Variants in ZAP70 observed in about 807,000 individuals in gnomAD.
ZAP70 encodes the protein tyrosine-protein kinase ZAP-70.
ZAP70 carries 27 observed loss-of-function variants against 65.8 expected under a neutral mutation model. The observed-to-expected ratio is 0.41, with a 90% CI of 0.30 to 0.57. The LOEUF is 0.57. ZAP70 is among the 20% of genes least tolerant of loss of function. The probability of loss-of-function intolerance (pLI) is 0.28; values close to 1 mark genes in which losing one functional copy is unlikely to be tolerated. For synonymous variants in ZAP70, 363 were observed against 360.8 expected (o/e 1.01, Z -0.07); for missense variants, 696 against 870.5 (o/e 0.80, Z 2.52).
chr2:97,724,997 G>A (rs1305071760), intron 3 of ZAP70, 95 bp from the exon 4 acceptor site: 2 of 1,578,176 alleles, frequency 1.3e-6, no homozygotes, highest in African/African-American at 1.3e-5. Context: ...CGCCTGGGTG[G>A]GGTGGGGAGT....
At chr2:97,755,755 G>A in the ZAP70 span, among the ~76,000 whole-genome samples, 1 of 152,200 alleles carries the variant, frequency 6.6e-6, no homozygotes, top group Admixed American at 6.5e-5. Flanking sequence ...TCTGTGCCCC[G>A]CTTCTCTCCT....
At chr2:97,719,341 G>T (rs1320785205) in intron 2 of ZAP70, among the ~76,000 whole-genome samples, 1 of 148,576 alleles carries the variant, frequency 6.7e-6, no homozygotes, top group African/African-American at 2.5e-5. Context: ...CAAGTAAGGG[G>T]ACGGGGGTGG....
At chr2:97,747,026 G>T in the ZAP70 span, among the ~76,000 whole-genome samples, 7 of 150,476 alleles carry the variant, frequency 4.7e-5, no homozygotes, top group East Asian at 1.2e-3. Flanking sequence ...ACTTCCAAAA[G>T]AAAAAAAAAG....
chr2:97,725,424 A>G (rs1212901212), intron 4 of ZAP70, among the ~76,000 whole-genome samples, 172 bp downstream of exon 4: 1 of 152,142 alleles, frequency 6.6e-6, no homozygotes, highest in Non-Finnish European at 1.5e-5. Flanking sequence ...ATGGGGAAGT[A>G]GAGGTAGTGA....
rs1349649637 is a variant in ZAP70, at chr2:97,735,260, G to C, written c.1093G>C (p.Asp365His). ...GVYRMRKKQI[D>H]VAIKVLKQGT... ...GGCCGGGTCGGGCAGGAAGCAGATC[G>C]ACGTGGCCATCAAGGTGCTGAAGCA... Residue 365 changes from aspartate to histidine, a missense_variant, in exon 10 of 14, where the codon GAC becomes CAC. By Grantham distance (81) the Asp-to-His change is moderately conservative. Coordinates refer to ENST00000264972, the MANE Select transcript of ZAP70 (RefSeq NM_001079.4). 1 of 1,613,898 alleles carries C rather than the reference G, an allele frequency of 6.2e-7. No individual in the cohort carries two copies. Among genetic ancestry groups the C allele is most frequent in the Admixed American group, 1.7e-5 (1 of 60,032 alleles).
intron 2 of ZAP70, among the ~76,000 whole-genome samples, chr2:97,721,234 C>T (rs1294579699): frequency 3.3e-5 from 5 of 152,202 alleles, no homozygotes; most frequent in South Asian, 2.1e-4. Context: ...ATCAACACTG[C>T]GGAGTTCTTA....
the ZAP70 span, among the ~76,000 whole-genome samples, chr2:97,755,130 A>T: frequency 6.6e-6 from 1 of 152,156 alleles, no homozygotes; most frequent in South Asian, 2.1e-4. Context: ...CACAGACTGG[A>T]AACAAGACAA....
At chr2:97,716,838 C>T (rs114455290) in intron 2 of ZAP70, among the ~76,000 whole-genome samples, 1,800 of 152,158 alleles carry the variant, frequency 0.012, 47 homozygotes, top group African/African-American at 0.041. Flanking sequence ...GATGGCATGA[C>T]GGGGGCCAGC....
chr2:97,756,151 C>A, the ZAP70 span, among the ~76,000 whole-genome samples: 1 of 150,240 alleles, frequency 6.7e-6, no homozygotes, highest in Non-Finnish European at 1.5e-5. Flanking sequence ...GATCAAGGAC[C>A]CTCCATGATT....
At chr2:97,724,976 C>T (rs902502958) in intron 3 of ZAP70, 116 bp from the exon 4 acceptor site, 8 of 1,548,638 alleles carry the variant, frequency 5.2e-6, no homozygotes, top group Non-Finnish European at 6.1e-6. Flanking sequence ...CTGCCTAACA[C>T]GCGCTAGGGA....
intron 3 of ZAP70, chr2:97,724,821 G>T: frequency 6.6e-7 from 1 of 1,515,614 alleles, no homozygotes; most frequent in Non-Finnish European, 8.8e-7. Context: ...TCCACAGCCT[G>T]AGTGACACCA....
At position 97,736,963 on chromosome 2, in the gene ZAP70, TC is replaced by T. The variant is rs1257323203; in HGVS notation, c.1290-508del. Among the ~76,000 whole-genome samples, 1 of 151,970 alleles carries T rather than the reference TC, an allele frequency of 6.6e-6. No homozygotes were observed. The highest frequency in any genetic ancestry group is 1.5e-5 in the Non-Finnish European group (1 of 67,986). On this transcript the variant is annotated intron_variant, in intron 10 of 13. Coordinates refer to ENST00000264972, the MANE Select transcript of ZAP70 (RefSeq NM_001079.4). This position sits in a 1 kb window ranked among gnomAD's most constrained non-coding sequence, Gnocchi z 4.0. The stretch of plus-strand genomic sequence containing the variant: ...CGAGGGCCTGGGCGGAGCTGACTAT[TC>T]CTGCCTGGGGGTCCAGGTGAGTGAT...
intron 2 of ZAP70, among the ~76,000 whole-genome samples, chr2:97,720,598 C>G (rs1236885702): frequency 6.6e-6 from 1 of 152,192 alleles, no homozygotes. Flanking sequence ...GTGATCCACC[C>G]GCCTTGATCT....
chr2:97,718,817 A>C (rs1013726539), intron 2 of ZAP70, among the ~76,000 whole-genome samples: 1 of 152,124 alleles, frequency 6.6e-6, no homozygotes. Context: ...GCTACTCTGC[A>C]CCCATGGTCC....
At chr2:97,753,799 T>A in the ZAP70 span, among the ~76,000 whole-genome samples, 1 of 151,912 alleles carries the variant, frequency 6.6e-6, no homozygotes, top group Non-Finnish European at 1.5e-5. Flanking sequence ...AAGCAAGACC[T>A]CATCCCTATA....
chr2:97,722,981 T>C (rs527435848), intron 2 of ZAP70, among the ~76,000 whole-genome samples: 4 of 152,320 alleles, frequency 2.6e-5, no homozygotes, highest in African/African-American at 7.2e-5. Context: ...ATCTTAAGTG[T>C]ACATTCTCTT....
downstream of ZAP70, among the ~76,000 whole-genome samples, chr2:97,741,387 G>A (rs984289352): frequency 6.6e-6 from 1 of 150,760 alleles, no homozygotes; most frequent in African/African-American, 2.5e-5. Context: ...TGCCTGGAAA[G>A]CTCTCCCCGT....
At position 97,724,351 on chromosome 2, in the gene ZAP70, G is replaced by A. The variant is rs542973270; in HGVS notation, c.315G>A (p.Pro105=). The A allele has an allele frequency of 5.8e-6, 9 of 1,552,144 alleles. No individual in the cohort carries two copies. The African/African-American group carries it at 1.1e-4, about 19-fold the overall frequency. The change falls in exon 3 of 14, where the codon CCG becomes CCA. Residue 105 remains proline, a synonymous_variant. Coordinates refer to ENST00000264972, the MANE Select transcript of ZAP70 (RefSeq NM_001079.4). The stretch of plus-strand genomic sequence containing the variant: ...ACCTGCGCAAGCCGTGCAACCGGCC[G>A]TCGGGCCTCGAGCCGCAGCCGGGGG... ...PCNLRKPCNR[P]SGLEPQPGVF...
chr2:97,748,703 G>A, the ZAP70 span, among the ~76,000 whole-genome samples: 1 of 152,206 alleles, frequency 6.6e-6, no homozygotes, highest in African/African-American at 2.4e-5. Context: ...CACTCAGGGT[G>A]TTCTCAATGG....
Sources: allele counts gnomAD v4.1 joint callset (sites outside exome capture counted in the v4.1 genomes callset), GRCh38; gene constraint gnomAD v4.1.1; non-coding constraint Gnocchi (gnomAD v3.1); transcripts MANE v1.5; gene names NCBI Gene and HGNC (gene_info 2026-07-23, HGNC 2026-07-21).